Variants in ZDHHC3 observed in about 807,000 individuals in gnomAD.
ZDHHC3 encodes palmitoyltransferase ZDHHC3.
In ZDHHC3, 9 loss-of-function variants were observed where a neutral mutation model predicts 30.6. That is an observed-to-expected ratio of 0.29 (90% CI 0.18 to 0.51). The LOEUF (loss-of-function observed/expected upper bound fraction) is 0.51. Ranked by LOEUF, ZDHHC3 falls within the 20% of genes least tolerant of loss-of-function variation. The probability of loss-of-function intolerance (pLI) is 0.97; values close to 1 mark genes in which losing one functional copy is unlikely to be tolerated. For missense variants in ZDHHC3, 246 were observed against 384.2 expected (o/e 0.64, Z 3.01); for synonymous variants, 136 against 140.2 (o/e 0.97, Z 0.21).
At chr3:44,932,487 T>C (rs1333377760) in intron 5 of ZDHHC3, among the ~76,000 whole-genome samples, 1 of 152,218 alleles carries the variant, frequency 6.6e-6, no homozygotes, top group African/African-American at 2.4e-5. Flanking sequence ...GCAGGTGGCC[T>C]CTTATTTCTT....
chr3:44,947,445 T>C (rs1703047734), intron 2 of ZDHHC3, among the ~76,000 whole-genome samples: 1 of 152,226 alleles, frequency 6.6e-6, no homozygotes, highest in Non-Finnish European at 1.5e-5. Context: ...GGTGGGCCTA[T>C]CTATGCCTTA....
intron 3 of ZDHHC3, among the ~76,000 whole-genome samples, chr3:44,936,005 C>T (rs1057242894): frequency 6.6e-6 from 1 of 152,152 alleles, no homozygotes; most frequent in African/African-American, 2.4e-5. Context: ...CAAAAATTGA[C>T]AAATGGGATC....
chr3:44,918,947 C>T lies in ZDHHC3; in HGVS notation c.*7742G>A. ...CTTTGACCCTCCACTGGGGGCACTG[C>T]TTTCTCCATCTCTTCTGGAAGCCAA... is the stretch of plus-strand genomic sequence containing the variant. On this transcript the variant is annotated 3_prime_UTR_variant, in exon 7 of 7. Transcript: ENST00000424952. The T allele has an allele frequency of 3.0e-6, 3 of 985,614 alleles. No individual in the cohort carries two copies. Among genetic ancestry groups the T allele is most frequent in the Non-Finnish European group, 3.6e-6 (3 of 830,082 alleles). 61.1% of individuals were successfully genotyped at this position (985,614 alleles called of 1,614,324 possible). A position where few individuals can be genotyped will look rare whatever the true frequency, so the allele number is the denominator to read the frequency against.
intron 2 of ZDHHC3, among the ~76,000 whole-genome samples, chr3:44,958,394 G>A (rs1704143186): frequency 6.6e-6 from 1 of 151,994 alleles, no homozygotes; most frequent in South Asian, 2.1e-4. Flanking sequence ...AAACACACAC[G>A]TCCCACGTAC....
At chr3:44,968,915 A>G (rs996969806) in intron 1 of ZDHHC3, among the ~76,000 whole-genome samples, 1 of 152,170 alleles carries the variant, frequency 6.6e-6, no homozygotes, top group East Asian at 1.9e-4. Context: ...AGTGAAGCTC[A>G]AGGAGTCAGT....
rs768519677 is a variant in ZDHHC3 at position 44,929,363 on chromosome 3, G to A, written c.684C>T (p.Leu228=). 1.9e-6 allele frequency: 3 copies of A among 1,614,030 alleles called. No individual in the cohort carries two copies. In the Admixed American group the frequency reaches 5.0e-5, roughly 27 times the overall value. ...ILLCFEGLLF[L]IFTSVMFGTQ... ...TCCCAAACATCACTGATGTGAAAAT[G>A]AGGAAGAGCAGGCCCTCAAAGCACA... is the stretch of plus-strand genomic sequence containing the variant. Residue 228 remains leucine (L), a synonymous_variant, in exon 6 of 7, where the codon CTC becomes CTT. Coordinates refer to ENST00000424952, the MANE Select transcript of ZDHHC3 (RefSeq NM_001135179.2).
rs1700610162 is a variant in ZDHHC3 at position 44,921,772 on chromosome 3, G to T, written c.*4917C>A. 3.1e-6 allele frequency: 3 copies of T among 979,694 alleles called. No individual in the cohort carries two copies. In the South Asian group the frequency reaches 1.4e-4, roughly 46 times the overall value. 60.7% of individuals were successfully genotyped at this position (979,694 alleles called of 1,614,324 possible). A position where few individuals can be genotyped will look rare whatever the true frequency, so the allele number is the denominator to read the frequency against. On this transcript the variant is annotated 3_prime_UTR_variant, in exon 7 of 7. Transcript: ENST00000424952. The stretch of plus-strand genomic sequence containing the variant: ...AGGTCATATTTTGGTAGTAGGTGCG[G>T]TAATAAGTAGCCAAGCAGACATTTC...
intron 3 of ZDHHC3, among the ~76,000 whole-genome samples, chr3:44,939,390 G>C (rs75637987): frequency 0.018 from 2,813 of 152,332 alleles, 46 homozygotes; most frequent in Middle Eastern, 0.085. Context: ...ACAGTGCAGA[G>C]TGAGTACTCC....
chr3:44,948,606 C>T (rs1303828900), intron 2 of ZDHHC3, among the ~76,000 whole-genome samples: 1 of 152,218 alleles, frequency 6.6e-6, no homozygotes, highest in East Asian at 1.9e-4. Flanking sequence ...TAGAGAAAGG[C>T]ATGGCCACCA....
chr3:44,962,495 AGAAG>A (rs60365987), intron 1 of ZDHHC3, among the ~76,000 whole-genome samples: 19,265 of 112,132 alleles, frequency 0.17, 1,544 homozygotes, highest in South Asian at 0.21. Context: ...AAAGGGAGAG[AGAAG>A]GAAGGAAGGA....
chr3:44,947,892 T>C (rs1011195468), intron 2 of ZDHHC3, among the ~76,000 whole-genome samples: 3 of 152,098 alleles, frequency 2.0e-5, no homozygotes, highest in Admixed American at 1.3e-4. Context: ...GTGAAAGAAG[T>C]AGTGACAACA....
At chr3:44,944,551 G>A (rs959122210) in intron 3 of ZDHHC3, among the ~76,000 whole-genome samples, 1 of 152,146 alleles carries the variant, frequency 6.6e-6, no homozygotes, top group African/African-American at 2.4e-5. Flanking sequence ...CCAAAGTGCT[G>A]GGATTACAGG....
At chr3:44,967,512 T>C (rs900642182) in intron 1 of ZDHHC3, among the ~76,000 whole-genome samples, 3 of 151,944 alleles carry the variant, frequency 2.0e-5, no homozygotes, top group Non-Finnish European at 2.9e-5. Flanking sequence ...AGTGAGACCT[T>C]GTTTCTATAA....
chr3:44,932,353 G>T (rs991391266), intron 5 of ZDHHC3, among the ~76,000 whole-genome samples: 2 of 152,202 alleles, frequency 1.3e-5, no homozygotes, highest in African/African-American at 4.8e-5. Flanking sequence ...TATAGGAAGA[G>T]CAAAAGTTCT....
At chr3:44,962,015 T>C (rs1447583034) in intron 1 of ZDHHC3, among the ~76,000 whole-genome samples, 1 of 152,216 alleles carries the variant, frequency 6.6e-6, no homozygotes, top group Non-Finnish European at 1.5e-5. Flanking sequence ...TAACAGATCC[T>C]GCTTCCCTGG....
In ZDHHC3 at chr3:44,924,264, G is replaced by C; in HGVS notation, c.*2425C>G. On this transcript the variant is annotated 3_prime_UTR_variant, in exon 7 of 7. Transcript: ENST00000424952. Reference sequence around the variant, plus strand: ...ATGCTTTCCCTTCCTGTCCTGTGTGGAAGCCAGGCTGGGAACCAATCACTA... The same window carrying C: ...ATGCTTTCCCTTCCTGTCCTGTGTGCAAGCCAGGCTGGGAACCAATCACTA... The C allele has an allele frequency of 7.1e-6, 7 of 985,422 alleles. No homozygotes were observed. Among genetic ancestry groups the C allele is most frequent in the Non-Finnish European group, 8.4e-6 (7 of 829,922 alleles). 61.0% of individuals were successfully genotyped at this position (985,422 alleles called of 1,614,324 possible).
At chr3:44,934,237 T>A (rs187289769) in intron 3 of ZDHHC3, among the ~76,000 whole-genome samples, 4 of 152,272 alleles carry the variant, frequency 2.6e-5, no homozygotes, top group Middle Eastern at 3.4e-3. Flanking sequence ...AGGACGGAAC[T>A]GACATGGTTA....
At chr3:44,933,544 T>C (rs1239509153) in intron 4 of ZDHHC3, 3 of 535,684 alleles carry the variant, frequency 5.6e-6, no homozygotes, top group Non-Finnish European at 6.7e-6. Context: ...CTGAGGGCCC[T>C]TCTAGTCCTT....
chr3:44,922,732 C>T lies in ZDHHC3; in HGVS notation c.*3957G>A, dbSNP rs984927496. ...TGTTAAGACACGGGCTGCTGGGCCC[C>T]GCTCGGTTTCTGGTTCGGTAGCCTG... On this transcript the variant is annotated 3_prime_UTR_variant, in exon 7 of 7. Coordinates refer to ENST00000424952, the MANE Select transcript of ZDHHC3 (RefSeq NM_001135179.2). 1.1e-5 allele frequency: 11 copies of T among 984,562 alleles called. No individual in the cohort carries two copies. The highest frequency in any genetic ancestry group is 9.4e-5 in the South Asian group (2 of 21,274). The allele number at this position is 984,562 out of a possible 1,614,324, so 61.0% of individuals were successfully genotyped here. A position where few individuals can be genotyped will look rare whatever the true frequency, so the allele number is the denominator to read the frequency against.
Sources: allele counts gnomAD v4.1 joint callset (sites outside exome capture counted in the v4.1 genomes callset), GRCh38; gene constraint gnomAD v4.1.1; transcripts MANE v1.5; gene names NCBI Gene and HGNC (gene_info 2026-07-23, HGNC 2026-07-21).